The following DYM variants were observed in gnomAD, a reference collection of about 807,000 sequenced individuals.
DYM encodes the protein dyggve-Melchior-Clausen syndrome protein.
A neutral mutation model predicts 93.1 loss-of-function variants in DYM; 78 were observed. The ratio of observed to expected loss-of-function variants is 0.84; its 90% CI spans 0.70 to 1.01. The LOEUF is 1.01. DYM is among the 50% of genes least tolerant of loss of function. The pLI is 0.00. For missense variants in DYM, 789 were observed against 845.0 expected (o/e 0.93, Z 0.82); for synonymous variants, 321 against 319.7 (o/e 1.00, Z -0.04).
At chr18:49,195,250 TAA>T (rs1367778018) in intron 14 of DYM, among the ~76,000 whole-genome samples, 1 of 152,206 alleles carries the variant, frequency 6.6e-6, no homozygotes, top group Non-Finnish European at 1.5e-5. Flanking sequence ...ACTTTAAAAT[TAA>T]GTTTTCTCCT....
intron 8 of DYM, among the ~76,000 whole-genome samples, chr18:49,319,414 C>T (rs781556987): frequency 2.0e-5 from 3 of 151,984 alleles, no homozygotes; most frequent in Non-Finnish European, 4.4e-5. Context: ...GGGGAAATTA[C>T]ATTAATTTTG....
chr18:49,370,129 T>A (rs1356741839), intron 5 of DYM, among the ~76,000 whole-genome samples: 3 of 151,698 alleles, frequency 2.0e-5, no homozygotes, highest in African/African-American at 7.3e-5. Flanking sequence ...AATACAAAAA[T>A]CAGCTGGGCA....
intron 17 of DYM, among the ~76,000 whole-genome samples, chr18:49,056,252 A>G (rs913579027): frequency 6.6e-6 from 1 of 152,226 alleles, no homozygotes; most frequent in Non-Finnish European, 1.5e-5. Flanking sequence ...CCTAAAAGCC[A>G]CTGAAGACAG....
rs1329881913 is a variant in DYM, at chr18:49,217,249, CTA to C, written c.1461-7536_1461-7535del. On this transcript the variant is annotated intron_variant, in intron 13 of 17. Transcript: ENST00000675505. The stretch of plus-strand genomic sequence containing the variant: ...AACAAAGCCTTCAAGAAATATGGGA[CTA>C]TGTGAAAAGACCAAATCTACGTCTG... Among the ~76,000 whole-genome samples the C allele has an allele frequency of 2.6e-5, 4 of 152,120 alleles. No homozygotes were observed. In the East Asian group the frequency reaches 7.7e-4, roughly 29 times the overall value.
Position 49,258,363 on chromosome 18 carries a change from G to A in DYM, c.1365+17C>T. 1 of 1,509,434 alleles carries A rather than the reference G, an allele frequency of 6.6e-7. No homozygotes were observed. Among genetic ancestry groups the A allele is most frequent in the Non-Finnish European group, 9.2e-7 (1 of 1,084,658 alleles). 93.5% of individuals were successfully genotyped at this position (1,509,434 alleles called of 1,614,324 possible). A position where few individuals can be genotyped will look rare whatever the true frequency, so the allele number is the denominator to read the frequency against. On this transcript the variant is annotated intron_variant, in intron 12 of 17. Coordinates refer to ENST00000675505, the MANE Select transcript of DYM (RefSeq NM_001353214.3). The stretch of plus-strand genomic sequence containing the variant: ...TACTGTATGCAAAAAAGATAGAATA[G>A]CAGCTGGAATACTTACTCGTGTCCT...
intron 12 of DYM, 60 bp downstream of exon 12, chr18:49,258,320 A>G (rs1338266703): frequency 8.1e-7 from 1 of 1,234,238 alleles, no homozygotes; most frequent in Non-Finnish European, 1.2e-6. Flanking sequence ...GGATTGCTTT[A>G]AACTATCGTC....
At chr18:49,233,081 G>A (rs762946823) in intron 13 of DYM, among the ~76,000 whole-genome samples, 13 of 152,018 alleles carry the variant, frequency 8.6e-5, no homozygotes, top group South Asian at 2.1e-4. Flanking sequence ...TGTACCTTTC[G>A]GCCAGTGCAG....
intron 7 of DYM, 114 bp from the exon 8 acceptor site, chr18:49,332,120 T>C (rs746315474): frequency 1.1e-4 from 122 of 1,096,410 alleles, no homozygotes; most frequent in Admixed American, 6.1e-4. Context: ...AAAAGGGCTA[T>C]TGGCACAACT....
rs59658815 is a variant in DYM, at chr18:49,388,913, C to CA, written c.193+2679dup. On this transcript the variant is annotated intron_variant, in intron 3 of 17. Transcript: ENST00000675505. Reference sequence around the variant, plus strand: ...AGAAAAAAAATAGCACATTTTCAGACAAAAAAAAAAAAAAAGAAAAAAGAG... The same window carrying CA: ...AGAAAAAAAATAGCACATTTTCAGACAAAAAAAAAAAAAAAAGAAAAAAGAG... Among the ~76,000 whole-genome samples, 100 of 129,036 alleles carry CA rather than the reference C, an allele frequency of 7.7e-4. 1 individual carries two copies. The highest frequency in any genetic ancestry group is 1.4e-3 in the Admixed American group (18 of 12,928). The allele number at this position is 129,036 out of a possible 152,430, so 84.7% of individuals were successfully genotyped here. A position where few individuals can be genotyped will look rare whatever the true frequency, so the allele number is the denominator to read the frequency against.
Position 49,352,918 on chromosome 18 carries a change from C to A in DYM, c.494+10243G>T, listed in dbSNP as rs1389894317. ...CTTTTCAATACTCTTTATTGAAATA[C>A]AATATATCTACTGCAAATTACAAGT... On this transcript the variant is annotated intron_variant, in intron 6 of 17. Coordinates refer to ENST00000675505, the MANE Select transcript of DYM (RefSeq NM_001353214.3). Among the ~76,000 whole-genome samples the A allele has an allele frequency of 2.0e-5, 3 of 151,972 alleles. No homozygotes were observed. In the East Asian group the frequency reaches 5.8e-4, roughly 29 times the overall value.
chr18:49,080,304 C>T (rs1309214670), intron 17 of DYM, among the ~76,000 whole-genome samples: 1 of 138,188 alleles, frequency 7.2e-6, no homozygotes, highest in Non-Finnish European at 1.6e-5. Flanking sequence ...CGCCCCTCAC[C>T]TCCCGGACGG....
chr18:49,323,672 A>T (rs2062673674), intron 8 of DYM, among the ~76,000 whole-genome samples: 1 of 152,214 alleles, frequency 6.6e-6, no homozygotes, highest in South Asian at 2.1e-4. Flanking sequence ...ATCTCCTGGC[A>T]CCTGGATCTC....
intron 14 of DYM, among the ~76,000 whole-genome samples, chr18:49,204,857 A>G (rs146018080): frequency 0.014 from 2,204 of 152,348 alleles, 18 homozygotes; most frequent in South Asian, 0.047. Context: ...AGCTGATTTC[A>G]ATGCTTCTGG....
At chr18:49,049,062 T>A (rs1016109715) in intron 17 of DYM, among the ~76,000 whole-genome samples, 1 of 152,214 alleles carries the variant, frequency 6.6e-6, no homozygotes, top group African/African-American at 2.4e-5. Context: ...AGTATAAACT[T>A]TATCTGTCAA....
intron 13 of DYM, among the ~76,000 whole-genome samples, chr18:49,236,006 T>C (rs2093849065): frequency 6.6e-6 from 1 of 152,196 alleles, no homozygotes; most frequent in African/African-American, 2.4e-5. Flanking sequence ...ACAAAATTTG[T>C]ATAAAACACT....
At chr18:49,080,112 C>G (rs2077704915) in intron 17 of DYM, among the ~76,000 whole-genome samples, 1 of 66,482 alleles carries the variant, frequency 1.5e-5, no homozygotes, top group African/African-American at 4.3e-5. Context: ...GGGCGGGGGG[C>G]TGACCCCCCC....
chr18:49,155,599 C>T (rs2086315305), intron 15 of DYM, among the ~76,000 whole-genome samples: 1 of 152,340 alleles, frequency 6.6e-6, no homozygotes, highest in African/African-American at 2.4e-5. Context: ...TAAGATTTGC[C>T]TATTCTGGAC....
intron 16 of DYM, among the ~76,000 whole-genome samples, chr18:49,114,924 T>G (rs983242387): frequency 6.6e-6 from 1 of 152,258 alleles, no homozygotes; most frequent in Non-Finnish European, 1.5e-5. Flanking sequence ...TATGATCAGA[T>G]GGTTTCATAG....
chr18:49,328,867 C>T (rs544940814), intron 8 of DYM, among the ~76,000 whole-genome samples: 1 of 152,302 alleles, frequency 6.6e-6, no homozygotes, highest in South Asian at 2.1e-4. Flanking sequence ...TTGTGGAAGA[C>T]AGTGTGGCGA....
Sources: gnomAD v4.1 joint callset for allele counts (sites outside exome capture counted in the v4.1 genomes callset) on GRCh38, gnomAD v4.1.1 for gene constraint, MANE v1.5 for transcripts, NCBI Gene and HGNC (gene_info 2026-07-23, HGNC 2026-07-21) for gene names.